Variants in SLC4A4 observed in about 807,000 individuals in gnomAD.
SLC4A4 encodes the protein solute carrier family 4 member 4.
In SLC4A4, 27 loss-of-function variants were observed where a neutral mutation model predicts 111.5. The observed-to-expected ratio is 0.24, with a 90% CI of 0.18 to 0.33. The LOEUF is 0.33. Among genes scored for constraint, SLC4A4 ranks in the 10% least tolerant of loss-of-function variants. The pLI, the probability that SLC4A4 is intolerant of heterozygous loss-of-function variation, is 1.00. For synonymous variants in SLC4A4, 443 were observed against 463.4 expected (o/e 0.96, Z 0.57); for missense variants, 909 against 1,315.5 (o/e 0.69, Z 4.78).
intron 2 of SLC4A4, among the ~76,000 whole-genome samples, chr4:71,139,035 C>CAAAAAA (rs5859250): frequency 3.0e-4 from 13 of 42,794 alleles, no homozygotes; most frequent in Admixed American, 5.7e-4. Context: ...GACTCCGTCT[C>CAAAAAA]AAAAAAAAAA....
chr4:71,088,429 G>A (rs182071718), intron 1 of SLC4A4, among the ~76,000 whole-genome samples: 1 of 151,996 alleles, frequency 6.6e-6, no homozygotes. Flanking sequence ...TGTTATGTGT[G>A]AATTGGATCC....
chr4:71,405,313 A>G (rs1560478159), intron 7 of SLC4A4, among the ~76,000 whole-genome samples: 1 of 152,160 alleles, frequency 6.6e-6, no homozygotes, highest in African/African-American at 2.4e-5. Flanking sequence ...GTTGAGTTTA[A>G]TGAACTTTTC....
rs558280185 is a variant in SLC4A4 at position 71,082,398 on chromosome 4, A to G, written c.-64-10332A>G. Reference sequence around the variant, plus strand: ...CATCTTCCTTGTCTTCCTACTCTCAACTTAACCATTACTTTGACGTCTTCC... The same window carrying G: ...CATCTTCCTTGTCTTCCTACTCTCAGCTTAACCATTACTTTGACGTCTTCC... On this transcript the variant is annotated intron_variant, in intron 1 of 26. Coordinates refer to the SLC4A4 transcript ENST00000649996. Among the ~76,000 whole-genome samples the G allele has an allele frequency of 6.6e-5, 10 of 151,940 alleles. No individual in the cohort carries two copies. In the South Asian group the frequency reaches 1.5e-3, roughly 22 times the overall value.
At chr4:71,419,422 A>G (rs1369987439) in intron 7 of SLC4A4, among the ~76,000 whole-genome samples, 9 of 151,992 alleles carry the variant, frequency 5.9e-5, no homozygotes, top group South Asian at 4.2e-4. Context: ...CCCCAGCCTC[A>G]CTGCCGCCTT....
At chr4:71,429,099 C>A (rs186185064) in intron 7 of SLC4A4, among the ~76,000 whole-genome samples, 3 of 152,126 alleles carry the variant, frequency 2.0e-5, no homozygotes, top group East Asian at 3.9e-4. Context: ...ACTATAATAT[C>A]CTGGATCTAC....
At chr4:71,152,638 C>T (rs77433694) in intron 2 of SLC4A4, among the ~76,000 whole-genome samples, 243 of 152,208 alleles carry the variant, frequency 1.6e-3, no homozygotes, top group African/African-American at 5.7e-3. Context: ...TATGGACACA[C>T]TATTTTTTTC....
intron 6 of SLC4A4, among the ~76,000 whole-genome samples, chr4:71,363,664 T>C (rs1730998614): frequency 6.6e-6 from 1 of 152,212 alleles, no homozygotes; most frequent in Non-Finnish European, 1.5e-5. Flanking sequence ...ACCTGAAGGT[T>C]AGAATCCTCT....
intron 2 of SLC4A4, among the ~76,000 whole-genome samples, chr4:71,097,250 C>T (rs1279232181): frequency 6.6e-6 from 1 of 152,142 alleles, no homozygotes; most frequent in Non-Finnish European, 1.5e-5. Flanking sequence ...ATTTAGCTCC[C>T]AGTTACAAGT....
chr4:71,509,740 C>G (rs1560573454), intron 16 of SLC4A4, among the ~76,000 whole-genome samples: 2 of 152,174 alleles, frequency 1.3e-5, no homozygotes. Context: ...GACTGGCTAG[C>G]TGTTCAGTGA....
chr4:71,464,445 G>A (rs1447932899), intron 12 of SLC4A4, among the ~76,000 whole-genome samples: 2 of 152,150 alleles, frequency 1.3e-5, no homozygotes, highest in Non-Finnish European at 2.9e-5. Context: ...TCCCTGTGAG[G>A]AAGAATGAGC....
intron 2 of SLC4A4, among the ~76,000 whole-genome samples, chr4:71,144,297 T>A (rs1744100993): frequency 6.6e-6 from 1 of 152,210 alleles, no homozygotes; most frequent in African/African-American, 2.4e-5. Context: ...TTCTGTTCCA[T>A]TGATCTATAT....
chr4:71,540,018 A>G (rs917604926), intron 18 of SLC4A4, among the ~76,000 whole-genome samples: 49 of 152,198 alleles, frequency 3.2e-4, no homozygotes, highest in African/African-American at 1.2e-3. Context: ...TACTGTAGAC[A>G]TAGTTAAACA....
At chr4:71,333,847 C>T (rs1444564640) in intron 3 of SLC4A4, among the ~76,000 whole-genome samples, 3 of 145,344 alleles carry the variant, frequency 2.1e-5, no homozygotes, top group African/African-American at 7.3e-5. Flanking sequence ...AGTCAAGGCT[C>T]AAGCTGGCTA....
chr4:71,077,025 C>CAT (rs1741851786), intron 1 of SLC4A4, among the ~76,000 whole-genome samples: 1 of 148,848 alleles, frequency 6.7e-6, no homozygotes, highest in South Asian at 2.1e-4. Flanking sequence ...TGTAAAAACA[C>CAT]ATATACATAT....
chr4:71,552,637 T>A (rs1736112896), intron 20 of SLC4A4, among the ~76,000 whole-genome samples: 1 of 151,858 alleles, frequency 6.6e-6, no homozygotes, highest in South Asian at 2.1e-4. Flanking sequence ...TCTCAATTAT[T>A]CCATCTGCTT....
chr4:71,292,944 T>C (rs1724487362), intron 3 of SLC4A4, among the ~76,000 whole-genome samples: 1 of 147,320 alleles, frequency 6.8e-6, no homozygotes, highest in African/African-American at 2.5e-5. Flanking sequence ...TGAGTTCAAG[T>C]GATTCTCCTG....
intron 3 of SLC4A4, among the ~76,000 whole-genome samples, chr4:71,279,491 C>T (rs1056963561): frequency 2.6e-5 from 4 of 151,976 alleles, no homozygotes; most frequent in Non-Finnish European, 5.9e-5. Flanking sequence ...TACATATATC[C>T]GTATATGTAT....
At chr4:71,065,713 T>C (rs1326013214) in intron 1 of SLC4A4, among the ~76,000 whole-genome samples, 1 of 152,138 alleles carries the variant, frequency 6.6e-6, no homozygotes, top group African/African-American at 2.4e-5. Flanking sequence ...CCTTACATCC[T>C]TCCCTTCACT....
chr4:71,513,239 T>G (rs1333023826), intron 16 of SLC4A4, among the ~76,000 whole-genome samples: 1 of 152,204 alleles, frequency 6.6e-6, no homozygotes, highest in East Asian at 1.9e-4. Context: ...TATGGTCATT[T>G]TAATGGTATT....
Sources: allele counts gnomAD v4.1 joint callset (sites outside exome capture counted in the v4.1 genomes callset), GRCh38; gene constraint gnomAD v4.1.1; transcripts MANE v1.5; gene names NCBI Gene and HGNC (gene_info 2026-07-23, HGNC 2026-07-21).